Variants in CPSF1 observed in about 807,000 individuals in gnomAD.
CPSF1 encodes cleavage and polyadenylation specificity factor subunit 1.
In CPSF1, 106 loss-of-function variants were observed where a neutral mutation model predicts 175.8. The observed-to-expected ratio is 0.60, with a 90% confidence interval of 0.52 to 0.71. The LOEUF (loss-of-function observed/expected upper bound fraction) is 0.71, where lower values mean the gene tolerates loss of function less well. Among genes scored for constraint, CPSF1 ranks in the 30% least tolerant of loss-of-function variants. The probability of loss-of-function intolerance (pLI) is 0.00; values close to 1 mark genes in which losing one functional copy is unlikely to be tolerated. For missense variants in CPSF1, 1,734 were observed against 2,022.9 expected (o/e 0.86, Z 2.74); for synonymous variants, 1,024 against 858.3 (o/e 1.19, Z -3.37).
intron 2 of CPSF1, 83 bp downstream of exon 2, chr8:144,408,932 G>C (rs1821643676): frequency 6.6e-7 from 1 of 1,519,100 alleles, no homozygotes; most frequent in African/African-American, 1.4e-5. Context: ...CTTGTCTGGG[G>C]CTTGGCTCTT....
At chr8:144,394,343 C>A in intron 32 of CPSF1, 36 bp downstream of exon 32, 1 of 1,588,062 alleles carries the variant, frequency 6.3e-7, no homozygotes, top group Non-Finnish European at 8.6e-7. Context: ...TGGGCGGGTA[C>A]CCACCCAGAC....
Position 144,397,619 on chromosome 8 carries a change from C to G in CPSF1, c.2253G>C (p.Ser751=). The change falls in exon 22 of 38, where the codon TCG becomes TCC. Residue 751 remains serine, a synonymous_variant. Coordinates refer to ENST00000616140, the MANE Select transcript of CPSF1 (RefSeq NM_013291.3). ...DDEEEMLYGD[S]GSLFSPSKEE... is the part of the protein sequence containing the mutation. ...CCTTGCTGGGGCTGAAGAGGGAGCC[C>G]GAATCCCCATACAGCATCTCCTCCT... 4.6e-6 allele frequency: 7 copies of G among 1,533,876 alleles called. No individual in the cohort carries two copies. Among genetic ancestry groups the G allele is most frequent in the Non-Finnish European group, 6.2e-6 (7 of 1,136,560 alleles).
At chr8:144,408,849 A>C (rs2116912059) in intron 2 of CPSF1, among the ~76,000 whole-genome samples, 166 bp downstream of exon 2, 1 of 152,224 alleles carries the variant, frequency 6.6e-6, no homozygotes. Flanking sequence ...GCTGTGAGAA[A>C]GGATCTGAGC....
At chr8:144,404,249 T>C (rs1821373095) in intron 2 of CPSF1, among the ~76,000 whole-genome samples, 1 of 152,038 alleles carries the variant, frequency 6.6e-6, no homozygotes, top group African/African-American at 2.4e-5. Context: ...AAAAGAAGTT[T>C]TCCCTCTTGG....
chr8:144,398,175 C>A (rs782305489), intron 19 of CPSF1, 43 bp from the exon 20 acceptor site: 2 of 741,380 alleles, frequency 2.7e-6, no homozygotes, highest in African/African-American at 2.4e-5. Flanking sequence ...CCACCACCGT[C>A]CCCACCCACC....
At position 144,398,848 on chromosome 8, in the gene CPSF1, C is replaced by T; in HGVS notation, c.1569G>A (p.Val523=). 1.2e-6 allele frequency: 2 copies of T among 1,609,898 alleles called. No individual in the cohort carries two copies. The highest frequency in any genetic ancestry group is 8.5e-7 in the Non-Finnish European group (1 of 1,177,068). ...AGCCGGGAAGCTCAAAGGTTGTCACCACCTGGGGCCGGATGCTCTTCTAGA... is the reference window on the plus strand; with the variant it reads ...AGCCGGGAAGCTCAAAGGTTGTCACTACCTGGGGCCGGATGCTCTTCTAGA... ...SVLQKSIRPQ[V]VTTFELPGCY... Residue 523 remains valine (V), a synonymous_variant, in exon 17 of 38, where the codon GTG becomes GTA. Transcript: ENST00000616140.
At position 144,409,103 on chromosome 8, in the gene CPSF1, T is replaced by C. The variant is rs2116913162; in HGVS notation, c.56A>G (p.Tyr19Cys). 8.1e-6 allele frequency: 13 copies of C among 1,613,700 alleles called. No homozygotes were observed. Among genetic ancestry groups the C allele is most frequent in the East Asian group, 2.2e-5 (1 of 44,890 alleles). ...CTCGCTGTTGTTGAAGAAGTTGCAG[T>C]ACATGGAGAACTCCAGACCGGTGGG... ...HPPTGLEFSM[Y>C]CNFFNNSERN... The change falls in exon 2 of 38, where the codon TAC (tyrosine) becomes TGC (cysteine). Residue 19 changes from tyrosine to cysteine, a missense_variant. Tyr to Cys is a radical substitution (Grantham distance 194). Transcript: ENST00000616140.
Position 144,393,802 on chromosome 8 carries a change from A to C in CPSF1, c.4016-6T>G, listed in dbSNP as rs1564682349. ...GATGCCGCCGTCCAGGGTGGCTGGC[A>C]GGGGTAGGGTGAGGGTTTTGGTGTG... On this transcript the variant is annotated splice_region_variant and splice_polypyrimidine_tract_variant and intron_variant, in intron 35 of 37. Coordinates refer to ENST00000616140, the MANE Select transcript of CPSF1 (RefSeq NM_013291.3). The C allele has an allele frequency of 6.2e-7, 1 of 1,600,290 alleles. No homozygotes were observed. The highest frequency in any genetic ancestry group is 2.2e-5 in the East Asian group (1 of 44,754).
chr8:144,408,910 CA>C, intron 2 of CPSF1, 104 bp downstream of exon 2: 1 of 1,388,676 alleles, frequency 7.2e-7, no homozygotes, highest in Non-Finnish European at 9.9e-7. Context: ...GAACGTTAAG[CA>C]AATCACTCAA....
chr8:144,404,370 A>AT lies in CPSF1; in HGVS notation c.145-2698dup, dbSNP rs2116897860. On this transcript the variant is annotated intron_variant, in intron 2 of 37. Transcript: ENST00000616140. ...GAAACAGGGGTAACCACTCAGAAGA[A>AT]TTTTTTTTTTTTTTGAGACGGAGTC... Among the ~76,000 whole-genome samples the AT allele has an allele frequency of 5.7e-3, 833 of 146,360 alleles. 4 individuals are homozygous for AT. Among genetic ancestry groups the AT allele is most frequent in the African/African-American group, 0.015 (607 of 40,126 alleles).
At chr8:144,407,600 G>A (rs1353737516) in intron 2 of CPSF1, among the ~76,000 whole-genome samples, 3 of 152,114 alleles carry the variant, frequency 2.0e-5, no homozygotes, top group African/African-American at 7.2e-5. Flanking sequence ...TTAGGGAGCT[G>A]AGGCACAAGA....
In CPSF1 at chr8:144,394,655, T is replaced by TA. The variant is rs782006769; in HGVS notation, c.3555_3556insT (p.Ile1186TyrfsTer88). On this transcript the variant is annotated frameshift_variant, in exon 31 of 38. Transcript: ENST00000616140. LOFTEE classifies it high-confidence loss of function. ...TGGGACTGGCACACCTTCTGGCCGATGGCCGACACCAGGTGGCCATTGCAG... is the reference window on the plus strand; with the variant it reads ...TGGGACTGGCACACCTTCTGGCCGATAGGCCGACACCAGGTGGCCATTGCAG... The TA allele has an allele frequency of 1.3e-5, 21 of 1,608,218 alleles. No homozygotes were observed. Among genetic ancestry groups the TA allele is most frequent in the Non-Finnish European group, 1.8e-5 (21 of 1,177,890 alleles).
chr8:144,399,477 T>A lies in CPSF1; in HGVS notation c.1269A>T (p.Arg423=), dbSNP rs1821017159. The A allele has an allele frequency of 1.9e-6, 3 of 1,612,908 alleles. No homozygotes were observed. The South Asian group carries it at 3.3e-5, about 18-fold the overall frequency. The change falls in exon 13 of 38, where the codon CGA becomes CGT. Residue 423 remains arginine (R), a synonymous_variant. Transcript: ENST00000616140. The surrounding 1 kb of genome is among the most constrained non-coding windows in gnomAD (Gnocchi z 6.4). The part of the protein sequence containing the change: ...DKEEPPSKKK[R]VDATAGWSAA... ...CTGACCAGCCGGCCGTCGCATCCACTCGCTTCTTCTTTGAGGGAGGCTCTT... is the reference window on the plus strand; with the variant it reads ...CTGACCAGCCGGCCGTCGCATCCACACGCTTCTTCTTTGAGGGAGGCTCTT...
rs1554869974 is a variant in CPSF1 at position 144,409,055 on chromosome 8, G to C, written c.104C>G (p.Thr35Ser). The change falls in exon 2 of 38, where the codon ACC becomes AGC. Residue 35 changes from threonine to serine, a missense_variant. Physicochemically the swap from Thr to Ser is moderately conservative, Grantham distance 58 (BLOSUM62 1). This residue lies in a region of CPSF1 where 126 missense variants were observed against 117.9 expected (regional missense o/e 1.07). Coordinates refer to ENST00000616140, the MANE Select transcript of CPSF1 (RefSeq NM_013291.3). ...NSERNLVVAG[T>S]SQLYVYRLNR... ...GAGGCGGTACACGTAGAGCTGCGAGGTCCCGGCCACTACCAGGTTGCGCTC... is the reference window on the plus strand; with the variant it reads ...GAGGCGGTACACGTAGAGCTGCGAGCTCCCGGCCACTACCAGGTTGCGCTC... 1 of 1,613,752 alleles carries C rather than the reference G, an allele frequency of 6.2e-7. No homozygotes were observed.
At chr8:144,408,273 G>A (rs1424104446) in intron 2 of CPSF1, among the ~76,000 whole-genome samples, 2 of 152,132 alleles carry the variant, frequency 1.3e-5, no homozygotes, top group Non-Finnish European at 2.9e-5. Context: ...TTGGGCCTGT[G>A]CACAGGCTGT....
In CPSF1 at chr8:144,394,152, G is replaced by A. The variant is rs782448023; in HGVS notation, c.3820C>T (p.Arg1274Cys). ...ATGTACACCATGAGGTTGCGGTCGC[G>A]GTCAGACACTGGGGAGCAGAGGCCC... is the stretch of plus-strand genomic sequence containing the variant. ...NAQLGFLVSDRDRNLMVYMYL... is the reference protein window; with the variant it reads ...NAQLGFLVSDCDRNLMVYMYL... Residue 1274 changes from arginine (R) to cysteine (C), a missense_variant, in exon 34 of 38, where the codon CGC (arginine) becomes TGC (cysteine). Arg to Cys is a radical substitution (Grantham distance 180, BLOSUM62 -3). This residue lies in a region of CPSF1 where 323 missense variants were observed against 338.5 expected (regional missense o/e 0.95). Coordinates refer to ENST00000616140, the MANE Select transcript of CPSF1 (RefSeq NM_013291.3). The A allele has an allele frequency of 3.7e-5, 60 of 1,612,708 alleles. 1 individual carries two copies. The highest frequency in any genetic ancestry group is 8.9e-5 in the East Asian group (4 of 44,884).
chr8:144,401,562 C>G lies in CPSF1; in HGVS notation c.174G>C (p.Glu58Asp), dbSNP rs145879528. 1.4e-3 allele frequency: 2,223 copies of G among 1,613,546 alleles called. 3 individuals carry two copies. Among genetic ancestry groups the G allele is most frequent in the Admixed American group, 5.0e-3 (297 of 59,964 alleles). Residue 58 changes from glutamate (E) to aspartate (D), a missense_variant and splice_region_variant, in exon 4 of 38, where the codon GAG becomes GAC. This residue lies in a region of CPSF1 where 126 missense variants were observed against 117.9 expected (regional missense o/e 1.07). Coordinates refer to ENST00000616140, the MANE Select transcript of CPSF1 (RefSeq NM_013291.3). ...CGAGCTTCTCCCGGTGGGCCTTCCC[C>G]TCTAGGGGAGACACCAGGGCTCAGG... is the stretch of plus-strand genomic sequence containing the variant. ...EALTKNDRST[E>D]GKAHREKLEL...
intron 2 of CPSF1, among the ~76,000 whole-genome samples, chr8:144,405,166 T>C (rs1466656249): frequency 1.3e-5 from 2 of 152,122 alleles, no homozygotes; most frequent in African/African-American, 2.4e-5. Flanking sequence ...AGAAATAACC[T>C]TACAGTGGGG....
In CPSF1 at chr8:144,409,160, G is replaced by C. The variant is rs1554870054; in HGVS notation, c.-2C>G. The C allele has an allele frequency of 6.2e-7, 1 of 1,607,302 alleles. No individual in the cohort carries two copies. Among genetic ancestry groups the C allele is most frequent in the African/African-American group, 1.3e-5 (1 of 74,654 alleles). On this transcript the variant is annotated 5_prime_UTR_variant, in exon 2 of 38. Transcript: ENST00000616140. The stretch of plus-strand genomic sequence containing the variant: ...CGCCTGTTTGTACACGGCGTACATG[G>C]CGCCAACCCGGGCTGCGCAAGGCCG...
Sources: allele counts gnomAD v4.1 joint callset (sites outside exome capture counted in the v4.1 genomes callset), GRCh38; gene constraint gnomAD v4.1.1; regional missense constraint gnomAD v4.1.1; non-coding constraint Gnocchi (gnomAD v3.1); transcripts MANE v1.5; gene names NCBI Gene and HGNC (gene_info 2026-07-23, HGNC 2026-07-21).